Variants in CFAP96 observed in about 807,000 individuals in gnomAD.
The protein encoded by CFAP96 is cilia-and flagella-associated protein 96.
At chr4:185,445,260 C>A in the CFAP96 span, 1 of 828,446 alleles carries the variant, frequency 1.2e-6, no homozygotes, top group Non-Finnish European at 1.9e-6. Context: ...TTAGACATCT[C>A]AGCTCCTTCC....
At chr4:185,429,186 C>G in the CFAP96 span, 1 of 371,832 alleles carries the variant, frequency 2.7e-6, no homozygotes. Flanking sequence ...TCCCCCACCC[C>G]GCAGAGTAGG....
the CFAP96 span, chr4:185,415,357 G>GA: frequency 5.1e-6 from 8 of 1,559,382 alleles, no homozygotes; most frequent in African/African-American, 1.1e-4. Context: ...TCTGTGGGGG[G>GA]AAATATATAA....
chr4:185,447,443 G>C, the CFAP96 span, among the ~76,000 whole-genome samples: 13 of 152,068 alleles, frequency 8.5e-5, no homozygotes, highest in African/African-American at 3.1e-4. Flanking sequence ...GCCTCCCAAA[G>C]TGCTGGGATT....
the CFAP96 span, among the ~76,000 whole-genome samples, chr4:185,417,302 G>GAGC: frequency 6.6e-6 from 1 of 152,164 alleles, no homozygotes; most frequent in African/African-American, 2.4e-5. Context: ...CCAATTACTG[G>GAGC]TAATTTTCAA....
chr4:185,426,816 G>A, the CFAP96 span, among the ~76,000 whole-genome samples: 26 of 143,550 alleles, frequency 1.8e-4, no homozygotes, highest in Non-Finnish European at 3.4e-4. Context: ...CGCATCACCT[G>A]CGCTCACGAG....
the CFAP96 span, among the ~76,000 whole-genome samples, chr4:185,430,540 A>C: frequency 8.5e-5 from 13 of 152,358 alleles, no homozygotes; most frequent in East Asian, 2.5e-3. Flanking sequence ...GGCCAAGTAT[A>C]GGAGAAGACT....
At chr4:185,439,360 G>A in the CFAP96 span, among the ~76,000 whole-genome samples, 1 of 152,150 alleles carries the variant, frequency 6.6e-6, no homozygotes, top group Non-Finnish European at 1.5e-5. Context: ...CTGGAGAAAG[G>A]AAGAGGACAA....
At chr4:185,433,688 G>A in the CFAP96 span, among the ~76,000 whole-genome samples, 1 of 152,084 alleles carries the variant, frequency 6.6e-6, no homozygotes, top group Non-Finnish European at 1.5e-5. Context: ...GATCACCTGA[G>A]GTCAGGAGTT....
chr4:185,445,240 G>A, the CFAP96 span: 8 of 1,009,268 alleles, frequency 7.9e-6, no homozygotes, highest in Non-Finnish European at 1.1e-5. Flanking sequence ...AATGACAAAT[G>A]TGGGTGACTT....
the CFAP96 span, among the ~76,000 whole-genome samples, chr4:185,408,950 ATGACT>A: frequency 6.6e-6 from 1 of 152,066 alleles, no homozygotes; most frequent in African/African-American, 2.4e-5. Context: ...AAAGTATATC[ATGACT>A]TGATATACTT....
At chr4:185,449,367 A>G in the CFAP96 span, among the ~76,000 whole-genome samples, 1 of 152,122 alleles carries the variant, frequency 6.6e-6, no homozygotes, top group Non-Finnish European at 1.5e-5. Context: ...CAAAAAATAT[A>G]AAAATTAGCC....
chr4:185,439,777 ATC>A, the CFAP96 span, among the ~76,000 whole-genome samples: 1 of 139,600 alleles, frequency 7.2e-6, no homozygotes, highest in Non-Finnish European at 1.5e-5. Flanking sequence ...ATGTATCTAT[ATC>A]TCATATATAT....
the CFAP96 span, among the ~76,000 whole-genome samples, chr4:185,446,367 G>T: frequency 6.6e-6 from 1 of 151,988 alleles, no homozygotes; most frequent in African/African-American, 2.4e-5. Flanking sequence ...GATAATTTGG[G>T]GTGCTCTAAC....
chr4:185,445,734 C>A, the CFAP96 span, among the ~76,000 whole-genome samples: 49 of 152,264 alleles, frequency 3.2e-4, no homozygotes, highest in African/African-American at 1.1e-3. Context: ...AATTTACATT[C>A]TTTTATAAAA....
chr4:185,434,825 G>T, the CFAP96 span, among the ~76,000 whole-genome samples: 1 of 151,998 alleles, frequency 6.6e-6, no homozygotes, highest in South Asian at 2.1e-4. Context: ...TGCAATCTCC[G>T]CCTCCCAGGT....
chr4:185,425,901 G>A, the CFAP96 span: 1,124,291 of 1,585,720 alleles, frequency 0.71, 408,231 homozygotes, highest in East Asian at 0.81. Flanking sequence ...GGGCGCTGAC[G>A]CCTGCCCAAA....
chr4:185,443,342 A>ATATATATATATATATATATATTTT, the CFAP96 span, among the ~76,000 whole-genome samples: 2 of 26,726 alleles, frequency 7.5e-5, no homozygotes, highest in Non-Finnish European at 1.5e-4. Flanking sequence ...ATATATATAT[A>ATATATATATATATATATATATTTT]TTTTTTTTTT....
the CFAP96 span, among the ~76,000 whole-genome samples, chr4:185,424,609 G>A: frequency 6.6e-6 from 1 of 151,980 alleles, no homozygotes; most frequent in Non-Finnish European, 1.5e-5. Flanking sequence ...GTTCATCACA[G>A]AAAAATAAAT....
At chr4:185,417,040 G>A in the CFAP96 span, among the ~76,000 whole-genome samples, 1 of 152,106 alleles carries the variant, frequency 6.6e-6, no homozygotes, top group South Asian at 2.1e-4. Flanking sequence ...AATTATAAGG[G>A]AAAAAATAGT....
Sources: allele counts gnomAD v4.1 joint callset (sites outside exome capture counted in the v4.1 genomes callset), GRCh38; gene constraint gnomAD v4.1.1; transcripts MANE v1.5; gene names NCBI Gene and HGNC (gene_info 2026-07-23, HGNC 2026-07-21).